PRR5: variants seen among roughly 807,000 people sequenced by gnomAD.
PRR5 encodes the protein proline rich 5.
Under a neutral mutation model 30.6 loss-of-function variants are expected in PRR5, and 25 were observed. That is an observed-to-expected ratio of 0.82 (90% CI 0.60 to 1.14). PRR5 has a LOEUF of 1.14. Among genes scored for constraint, PRR5 ranks in the 50% most tolerant of loss-of-function variants. The pLI is 0.00. For missense variants in PRR5, 600 were observed against 547.1 expected (o/e 1.10, Z -0.96); for synonymous variants, 286 against 247.1 (o/e 1.16, Z -1.48).
chr22:44,689,741 T>C (rs1056035255), intron 1 of PRR5, among the ~76,000 whole-genome samples: 2 of 152,170 alleles, frequency 1.3e-5, no homozygotes, highest in Non-Finnish European at 2.9e-5. Flanking sequence ...CTCCACCTCC[T>C]GAGTTCAAGC....
chr22:44,716,452 C>G (rs568757734), intron 2 of PRR5, among the ~76,000 whole-genome samples: 103 of 152,274 alleles, frequency 6.8e-4, no homozygotes, highest in African/African-American at 2.4e-3. Context: ...AGGGGGATCG[C>G]TAGAGGCCAG....
At chr22:44,714,375 C>T (rs558749595) in intron 1 of PRR5, among the ~76,000 whole-genome samples, 2 of 152,238 alleles carry the variant, frequency 1.3e-5, no homozygotes, top group Admixed American at 6.5e-5. Flanking sequence ...CAAGGTCCTG[C>T]GGCAGTGACC....
intron 4 of PRR5, chr22:44,729,213 C>T: frequency 1.2e-6 from 1 of 820,782 alleles, no homozygotes; most frequent in Non-Finnish European, 1.5e-6. Flanking sequence ...CGCCAGACAC[C>T]CTTGACCTGG....
At chr22:44,711,506 G>A (rs899855947) in intron 1 of PRR5, among the ~76,000 whole-genome samples, 3 of 151,992 alleles carry the variant, frequency 2.0e-5, no homozygotes, top group Non-Finnish European at 2.9e-5. Flanking sequence ...CTGGCAGGGT[G>A]ACCAGAGTGG....
chr22:44,728,054 C>T (rs950457451), intron 4 of PRR5, among the ~76,000 whole-genome samples: 3 of 152,336 alleles, frequency 2.0e-5, no homozygotes, highest in African/African-American at 4.8e-5. Flanking sequence ...CCGGGGCTCT[C>T]GGAGAAGGGA....
chr22:44,732,746 G>A (rs1386368750), intron 6 of PRR5, among the ~76,000 whole-genome samples: 4 of 148,020 alleles, frequency 2.7e-5, no homozygotes, highest in African/African-American at 1.0e-4. Flanking sequence ...CACCACACAC[G>A]TGTGCACGCA....
At chr22:44,709,732 A>G (rs1445601644) in intron 1 of PRR5, among the ~76,000 whole-genome samples, 1 of 152,128 alleles carries the variant, frequency 6.6e-6, no homozygotes, top group African/African-American at 2.4e-5. Context: ...CGCACCTGTA[A>G]TCCCAGCTCC....
chr22:44,715,708 G>T (rs1480409268), intron 2 of PRR5, among the ~76,000 whole-genome samples: 6 of 152,092 alleles, frequency 3.9e-5, no homozygotes, highest in Admixed American at 3.9e-4. Context: ...GCTGGAGTGT[G>T]GGGGTGCAAT....
In PRR5 at chr22:44,683,093, G is replaced by A. The variant is rs533824348; in HGVS notation, c.-11+5853G>A. On this transcript the variant is annotated intron_variant, in intron 1 of 8. Transcript: ENST00000006251. The stretch of plus-strand genomic sequence containing the variant: ...GACAGAGCCTTCCACCAGGAAGCTG[G>A]CCTCTGCTCCCATTCACTCAGGAGG... Among the ~76,000 whole-genome samples, 45 of 152,344 alleles carry A rather than the reference G, an allele frequency of 3.0e-4. 1 individual carries two copies. In the South Asian group the frequency reaches 9.1e-3, roughly 31 times the overall value.
intron 1 of PRR5, among the ~76,000 whole-genome samples, chr22:44,709,679 C>T (rs762426088): frequency 4.6e-5 from 7 of 152,130 alleles, no homozygotes; most frequent in Non-Finnish European, 1.0e-4. Context: ...TGGTGGAACC[C>T]CATCTCTACT....
intron 7 of PRR5, among the ~76,000 whole-genome samples, chr22:44,735,637 T>C (rs743891): frequency 6.6e-6 from 1 of 152,046 alleles, no homozygotes; most frequent in African/African-American, 2.4e-5. Context: ...GCCTCTGGGT[T>C]CCTTCAGCAA....
In PRR5 at chr22:44,702,461, C is replaced by T. The variant is rs1210144399; in HGVS notation, c.-14C>T. ...GGGGCGCGCGTGGGCGCGGCGCAGG[C>T]GGCCCGGGTCACCATGAGGACTCTC... On this transcript the variant is annotated 5_prime_UTR_variant, in exon 1 of 8. Transcript: ENST00000336985. 7.4e-6 allele frequency: 10 copies of T among 1,359,554 alleles called. No individual in the cohort carries two copies. The highest frequency in any genetic ancestry group is 9.5e-6 in the Non-Finnish European group (10 of 1,048,626). 84.2% of individuals were successfully genotyped at this position (1,359,554 alleles called of 1,614,324 possible).
chr22:44,732,983 CAT>C (rs574756835), intron 6 of PRR5, among the ~76,000 whole-genome samples: 2,102 of 143,108 alleles, frequency 0.015, 55 homozygotes, highest in African/African-American at 0.059. Flanking sequence ...ACACTACACA[CAT>C]ACATGTGCGC....
At chr22:44,732,772 C>T (rs1602095334) in intron 6 of PRR5, among the ~76,000 whole-genome samples, 1 of 136,882 alleles carries the variant, frequency 7.3e-6, no homozygotes, top group African/African-American at 3.4e-5. Flanking sequence ...TACACACATG[C>T]CTGTGTGCAC....
chr22:44,680,974 C>T (rs927971971), intron 1 of PRR5, among the ~76,000 whole-genome samples: 1 of 152,244 alleles, frequency 6.6e-6, no homozygotes, highest in African/African-American at 2.4e-5. Context: ...TCATGCAGCT[C>T]TCACTGGACC....
intron 2 of PRR5, among the ~76,000 whole-genome samples, chr22:44,721,254 C>T (rs1193507704): frequency 6.6e-6 from 1 of 152,184 alleles, no homozygotes; most frequent in Non-Finnish European, 1.5e-5. Flanking sequence ...AGCAGGCAAG[C>T]AGCTCAAGGG....
intron 1 of PRR5, among the ~76,000 whole-genome samples, chr22:44,678,651 C>T (rs1923986334): frequency 6.6e-6 from 1 of 152,200 alleles, no homozygotes; most frequent in Non-Finnish European, 1.5e-5. Context: ...AGGCATCCTT[C>T]TCTAGAAAGT....
chr22:44,695,986 A>G (rs1925716177), intron 1 of PRR5, among the ~76,000 whole-genome samples: 1 of 133,732 alleles, frequency 7.5e-6, no homozygotes, highest in South Asian at 2.5e-4. Context: ...GCTGGAGTGC[A>G]ATGGCACAGT....
intron 4 of PRR5, among the ~76,000 whole-genome samples, chr22:44,728,489 TG>T (rs1921277503): frequency 6.6e-6 from 1 of 152,226 alleles, no homozygotes; most frequent in East Asian, 1.9e-4. Context: ...CAGTTGAGTG[TG>T]ATTAATGTCA....
Sources: allele counts gnomAD v4.1 joint callset (sites outside exome capture counted in the v4.1 genomes callset), GRCh38; gene constraint gnomAD v4.1.1; transcripts MANE v1.5; gene names NCBI Gene and HGNC (gene_info 2026-07-23, HGNC 2026-07-21).